Variants in SOS2 observed in about 807,000 individuals in gnomAD.
SOS2 encodes son of sevenless homolog 2.
Under a neutral mutation model 148.2 loss-of-function variants are expected in SOS2, and 65 were observed. The observed-to-expected ratio is 0.44, with a 90% CI of 0.36 to 0.54. The LOEUF (loss-of-function observed/expected upper bound fraction) is 0.54. Among genes scored for constraint, SOS2 ranks in the 20% least tolerant of loss-of-function variants. The pLI, the probability that SOS2 is intolerant of heterozygous loss-of-function variation, is 0.00. For synonymous variants in SOS2, 539 were observed against 537.1 expected, an observed-to-expected ratio of 1.00 and a Z score of -0.05; for missense variants, 1,341 against 1,590.2, an observed-to-expected ratio of 0.84 and a Z score of 2.67.
At chr14:50,145,949 T>C (rs1306289102) in intron 14 of SOS2, among the ~76,000 whole-genome samples, 1 of 151,028 alleles carries the variant, frequency 6.6e-6, no homozygotes, top group East Asian at 2.0e-4. Context: ...AGCCTGACCA[T>C]CATGGAAAAA....
In SOS2 at chr14:50,182,514, A is replaced by C; in HGVS notation, c.807T>G (p.Asp269Glu). 1.9e-6 allele frequency: 3 copies of C among 1,613,932 alleles called. No homozygotes were observed. ...GLIEDTVEMT[D>E]ESSPHPLAGS... is the part of the protein sequence containing the mutation. The stretch of plus-strand genomic sequence containing the variant: ...CAGCTAAGGGATGAGGACTGCTTTC[A>C]TCAGTCATTTCAACTGTGTCTTCAA... The change falls in exon 6 of 23, where the codon GAT becomes GAG. Residue 269 changes from aspartate (D) to glutamate (E), a missense_variant. Around this residue, in one of 4 missense-constraint regions of SOS2, gnomAD observed 574 missense variants for 711.1 expected, o/e 0.81. Coordinates refer to ENST00000216373, the MANE Select transcript of SOS2 (RefSeq NM_006939.4).
intron 5 of SOS2, among the ~76,000 whole-genome samples, chr14:50,186,034 G>A (rs1404837037): frequency 2.0e-5 from 3 of 152,062 alleles, no homozygotes; most frequent in East Asian, 1.9e-4. Context: ...CACATATTAG[G>A]CCTTCCAGAA....
In SOS2 at chr14:50,216,377, G is replaced by C. The variant is rs181701321; in HGVS notation, c.88-11968C>G. On this transcript the variant is annotated intron_variant, in intron 1 of 22. Coordinates refer to ENST00000216373, the MANE Select transcript of SOS2 (RefSeq NM_006939.4). The stretch of plus-strand genomic sequence containing the variant: ...CTCCCAAAGTGTTGGGATTATGGAC[G>C]TGAGCCACGACACCCAGCCCATTAT... Among the ~76,000 whole-genome samples the C allele has an allele frequency of 4.7e-4, 72 of 152,066 alleles. 2 individuals carry two copies. The highest frequency in any genetic ancestry group is 1.7e-3 in the African/African-American group (71 of 41,504).
intron 7 of SOS2, 111 bp downstream of exon 7, chr14:50,180,461 T>A: frequency 1.7e-6 from 1 of 596,068 alleles, no homozygotes. Flanking sequence ...TGAACAAGAT[T>A]TGAAGGATTA....
At chr14:50,228,730 C>A (rs540818649) in intron 1 of SOS2, among the ~76,000 whole-genome samples, 1 of 152,278 alleles carries the variant, frequency 6.6e-6, no homozygotes, top group African/African-American at 2.4e-5. Context: ...AGCTCAGAAC[C>A]GCTCTCATTT....
intron 4 of SOS2, among the ~76,000 whole-genome samples, chr14:50,191,422 T>C (rs755527754): frequency 7.9e-5 from 12 of 152,200 alleles, no homozygotes; most frequent in African/African-American, 2.6e-4. Context: ...TGAGCTAATA[T>C]TGTACCACCA....
chr14:50,190,685 C>T (rs1886100800), intron 4 of SOS2, among the ~76,000 whole-genome samples: 1 of 152,134 alleles, frequency 6.6e-6, no homozygotes, highest in Admixed American at 6.6e-5. Flanking sequence ...GCATAAAATC[C>T]TAACTTCTTT....
chr14:50,127,285 G>A (rs1196954338), intron 21 of SOS2, among the ~76,000 whole-genome samples: 2 of 151,920 alleles, frequency 1.3e-5, no homozygotes, highest in Non-Finnish European at 2.9e-5. Flanking sequence ...GGGACTACAG[G>A]CACACGCCAC....
chr14:50,231,293 G>A lies in SOS2; in HGVS notation c.-10C>T, dbSNP rs748832248. ...GCGGCGCCTGCTGCATGGCCCCGGC[G>A]ACAGCGCCTCCGCATCGGGGGCAGC... On this transcript the variant is annotated 5_prime_UTR_variant, in exon 1 of 23. Coordinates refer to ENST00000216373, the MANE Select transcript of SOS2 (RefSeq NM_006939.4). 2 of 1,413,338 alleles carry A rather than the reference G, an allele frequency of 1.4e-6. No individual in the cohort carries two copies. Among genetic ancestry groups the A allele is most frequent in the African/African-American group, 2.9e-5 (2 of 68,974 alleles). The allele number at this position is 1,413,338 out of a possible 1,614,324, so 87.5% of individuals were successfully genotyped here.
chr14:50,122,418 C>T (rs1203195789), intron 21 of SOS2, among the ~76,000 whole-genome samples: 2 of 70,844 alleles, frequency 2.8e-5, no homozygotes, highest in African/African-American at 7.0e-5. Context: ...TTTTTTGAGA[C>T]GGTGTCTCGC....
In SOS2 at chr14:50,159,866, G is replaced by A. The variant is rs756637706; in HGVS notation, c.1417C>T (p.His473Tyr). 36 of 1,613,946 alleles carry A rather than the reference G, an allele frequency of 2.2e-5. No individual in the cohort carries two copies. The highest frequency in any genetic ancestry group is 2.7e-5 in the Non-Finnish European group (32 of 1,180,010). ...DGLMISCKPNHGQTRLPGYSS... is the reference protein window; with the variant it reads ...DGLMISCKPNYGQTRLPGYSS... ...TAACCTGGAAGCCGAGTCTGGCCAT[G>A]ATTAGGTTTACAACTGATCATTAAG... Residue 473 changes from histidine to tyrosine, a missense_variant, in exon 10 of 23, where the codon CAT becomes TAT. Physicochemically the swap from His to Tyr is moderately conservative, Grantham distance 83 (BLOSUM62 2). Coordinates refer to ENST00000216373, the MANE Select transcript of SOS2 (RefSeq NM_006939.4).
intron 18 of SOS2, among the ~76,000 whole-genome samples, chr14:50,135,641 GCT>G (rs1491238922): frequency 2.9e-5 from 2 of 68,460 alleles, no homozygotes; most frequent in African/African-American, 6.3e-5. Context: ...AATGTGGTTT[GCT>G]TTTTTTTTTT....
At chr14:50,143,252 G>C (rs1345805313) in intron 16 of SOS2, among the ~76,000 whole-genome samples, 2 of 149,584 alleles carry the variant, frequency 1.3e-5, no homozygotes, top group Non-Finnish European at 3.0e-5. Context: ...TTGAGCCCAG[G>C]AGTTCGAGAC....
intron 4 of SOS2, among the ~76,000 whole-genome samples, chr14:50,192,284 G>C (rs1244766298): frequency 6.6e-6 from 1 of 152,092 alleles, no homozygotes; most frequent in Non-Finnish European, 1.5e-5. Context: ...GCCAGGCATG[G>C]GTGGCTCACG....
rs1555369697 is a variant in SOS2, at chr14:50,153,050, CA to C, written c.2161+19del. 8.3e-7 allele frequency: 1 copy of C among 1,203,038 alleles called. No homozygotes were observed. The highest frequency in any genetic ancestry group is 1.2e-6 in the Non-Finnish European group (1 of 832,102). The allele number at this position is 1,203,038 out of a possible 1,614,324, so 74.5% of individuals were successfully genotyped here. A position where few individuals can be genotyped will look rare whatever the true frequency, so the allele number is the denominator to read the frequency against. Reference sequence around the variant, plus strand: ...ACTCATGTTCAATATAAGATTCAATCAAACCTTTATATAATATACCTCTTAC... The same window carrying C: ...ACTCATGTTCAATATAAGATTCAATCAACCTTTATATAATATACCTCTTAC... On this transcript the variant is annotated intron_variant, in intron 13 of 22. Transcript: ENST00000216373.
intron 4 of SOS2, 48 bp from the exon 5 acceptor site, chr14:50,188,748 A>G (rs1721842889): frequency 7.8e-7 from 1 of 1,288,088 alleles, no homozygotes; most frequent in Non-Finnish European, 1.1e-6. Flanking sequence ...CTTTACTTTT[A>G]TAAAAACTGC....
chr14:50,223,844 C>A (rs1348043800), intron 1 of SOS2, among the ~76,000 whole-genome samples: 1 of 151,880 alleles, frequency 6.6e-6, no homozygotes, highest in African/African-American at 2.4e-5. Flanking sequence ...CAGAGTGCGA[C>A]CCTGTCTCAA....
chr14:50,197,608 T>C (rs1315681696), intron 4 of SOS2, among the ~76,000 whole-genome samples: 2 of 151,496 alleles, frequency 1.3e-5, no homozygotes, highest in African/African-American at 2.4e-5. Flanking sequence ...CTAACATCTC[T>C]CTCCCCAACC....
At chr14:50,202,220 T>G (rs946638034) in intron 2 of SOS2, among the ~76,000 whole-genome samples, 1 of 152,136 alleles carries the variant, frequency 6.6e-6, no homozygotes, top group African/African-American at 2.4e-5. Flanking sequence ...CACCTCAACT[T>G]CCCAAAGTGC....
Sources: gnomAD v4.1 joint callset for allele counts (sites outside exome capture counted in the v4.1 genomes callset) on GRCh38, gnomAD v4.1.1 for gene constraint, gnomAD v4.1.1 regional missense constraint, MANE v1.5 for transcripts, NCBI Gene and HGNC (gene_info 2026-07-23, HGNC 2026-07-21) for gene names.